The following ZNF423 variants were observed in gnomAD, a reference collection of about 807,000 sequenced individuals.
ZNF423 encodes zinc finger protein 423, also known as Ebf-associated zinc finger protein.
In ZNF423, 12 loss-of-function variants were observed where a neutral mutation model predicts 95.8. The observed-to-expected ratio is 0.13, with a 90% confidence interval of 0.08 to 0.20. ZNF423 has a LOEUF of 0.20. ZNF423 is among the 10% of genes least tolerant of loss of function. The pLI, the probability that ZNF423 is intolerant of heterozygous loss-of-function variation, is 1.00. For missense variants in ZNF423, 1,316 were observed against 1,737.1 expected, an observed-to-expected ratio of 0.76 and a Z score of 4.31; for synonymous variants, 749 against 711.9, an observed-to-expected ratio of 1.05 and a Z score of -0.83.
At chr16:49,521,068 G>A (rs745756708) in intron 7 of ZNF423, among the ~76,000 whole-genome samples, 19 of 152,200 alleles carry the variant, frequency 1.2e-4, no homozygotes, top group Non-Finnish European at 2.1e-4. Flanking sequence ...CCCACAGCTC[G>A]AGATAGGTGG....
chr16:49,648,812 G>A (rs1263993393), intron 3 of ZNF423, among the ~76,000 whole-genome samples: 16 of 152,146 alleles, frequency 1.1e-4, no homozygotes, highest in Admixed American at 1.0e-3. Flanking sequence ...AGGCTCTTTG[G>A]TGAGATTAAG....
intron 2 of ZNF423, among the ~76,000 whole-genome samples, chr16:49,733,387 T>A (rs2033214760): frequency 6.6e-6 from 1 of 152,216 alleles, no homozygotes; most frequent in Non-Finnish European, 1.5e-5. Flanking sequence ...TTTTGCCGTA[T>A]TTACTTGGCA....
At chr16:49,570,678 GC>G (rs1970327558) in intron 5 of ZNF423, among the ~76,000 whole-genome samples, 1 of 152,198 alleles carries the variant, frequency 6.6e-6, no homozygotes, top group African/African-American at 2.4e-5. Flanking sequence ...TGGCAACTTG[GC>G]CCTCTTTGGG....
At chr16:49,844,255 C>T (rs894960849) in intron 1 of ZNF423, among the ~76,000 whole-genome samples, 3 of 152,108 alleles carry the variant, frequency 2.0e-5, no homozygotes, top group African/African-American at 7.2e-5. Flanking sequence ...GTACTCCAGC[C>T]TGGGTAGCAG....
chr16:49,563,439 T>C (rs1970080835), intron 5 of ZNF423, among the ~76,000 whole-genome samples: 1 of 152,114 alleles, frequency 6.6e-6, no homozygotes, highest in African/African-American at 2.4e-5. Flanking sequence ...CAAATAAACC[T>C]CTTTATAAAT....
At chr16:49,666,316 C>T (rs997981285) in intron 3 of ZNF423, among the ~76,000 whole-genome samples, 4 of 152,210 alleles carry the variant, frequency 2.6e-5, no homozygotes, top group African/African-American at 9.6e-5. Flanking sequence ...GCCTTTAATA[C>T]TTCTCCATTC....
At position 49,511,661 on chromosome 16, in the gene ZNF423, T is replaced by C. The variant is rs1967902150; in HGVS notation, c.3849+11963A>G. ...CTAAGGACAAGGAGTGTTGTCAGTG[T>C]CCACCCCAGACTTCTCCCAAGGCAG... On this transcript the variant is annotated intron_variant, in intron 7 of 7. Coordinates refer to ENST00000563137, the MANE Select transcript of ZNF423 (RefSeq NM_001379286.1). 2.6e-5 allele frequency among the ~76,000 whole-genome samples: 4 copies of C among 152,150 alleles called. No homozygotes were observed. In the South Asian group the frequency reaches 8.3e-4, roughly 32 times the overall value.
intron 2 of ZNF423, among the ~76,000 whole-genome samples, chr16:49,779,815 G>A (rs2034179705): frequency 6.6e-6 from 1 of 152,200 alleles, no homozygotes; most frequent in Non-Finnish European, 1.5e-5. Context: ...CCCAGCTTTG[G>A]AGAAAGTAGG....
intron 3 of ZNF423, among the ~76,000 whole-genome samples, chr16:49,713,565 T>A (rs2032610897): frequency 6.6e-6 from 1 of 152,120 alleles, no homozygotes; most frequent in Admixed American, 6.5e-5. Flanking sequence ...CCTGGCAGGT[T>A]CTCAGGATGA....
chr16:49,669,137 C>T (rs985852783), intron 3 of ZNF423, among the ~76,000 whole-genome samples: 2 of 152,026 alleles, frequency 1.3e-5, no homozygotes, highest in Non-Finnish European at 2.9e-5. Context: ...CGAGACCAGC[C>T]TGACCAACAT....
intron 3 of ZNF423, among the ~76,000 whole-genome samples, chr16:49,727,889 AG>A (rs2033067076): frequency 6.6e-6 from 1 of 152,212 alleles, no homozygotes; most frequent in Admixed American, 6.5e-5. Context: ...CAGTGGTGAG[AG>A]TCCAGCAGAC....
At chr16:49,610,066 ATC>A (rs1971673209) in intron 5 of ZNF423, among the ~76,000 whole-genome samples, 3 of 152,234 alleles carry the variant, frequency 2.0e-5, no homozygotes, top group Non-Finnish European at 4.4e-5. Context: ...AGAACTGTCA[ATC>A]CAGAGTTCTT....
At chr16:49,812,390 C>T (rs2034767238) in intron 1 of ZNF423, among the ~76,000 whole-genome samples, 1 of 152,178 alleles carries the variant, frequency 6.6e-6, no homozygotes. Context: ...GTCAACGCTA[C>T]TGATAAAGGC....
chr16:49,664,114 T>C, intron 3 of ZNF423: 1 of 985,476 alleles, frequency 1.0e-6, no homozygotes, highest in Non-Finnish European at 1.2e-6. Flanking sequence ...CACCAGGGCG[T>C]CCCAGGGCAA....
chr16:49,853,800 C>T, intron 1 of ZNF423: 1 of 985,292 alleles, frequency 1.0e-6, no homozygotes, highest in Non-Finnish European at 1.2e-6. Context: ...CCCATCTGTT[C>T]ACTGCAAACT....
In ZNF423 at chr16:49,636,299, C is replaced by G. The variant is rs201950383; in HGVS notation, c.2877G>C (p.Thr959=). ...TGTAGTGCTTGGCAGGGCCCCGGTG[C>G]GTCTGCAGGTGCTCCCGTAGCCCGT... ...SENGLREHLQ[T]HRGPAKHYMC... is the part of the protein sequence containing the mutation. The change falls in exon 4 of 8, where the codon ACG becomes ACC. Residue 959 remains threonine, a synonymous_variant. Coordinates refer to ENST00000563137, the MANE Select transcript of ZNF423 (RefSeq NM_001379286.1). The surrounding 1 kb of genome is among the most constrained non-coding windows in gnomAD (Gnocchi z 8.6). The G allele has an allele frequency of 6.2e-7, 1 of 1,612,526 alleles. No individual in the cohort carries two copies. The highest frequency in any genetic ancestry group is 1.3e-5 in the African/African-American group (1 of 74,914).
chr16:49,554,494 G>A (rs990716303), intron 5 of ZNF423, among the ~76,000 whole-genome samples: 1 of 152,040 alleles, frequency 6.6e-6, no homozygotes, highest in African/African-American at 2.4e-5. Flanking sequence ...TGCTCTAAAT[G>A]CCAAGAATCG....
At chr16:49,628,921 T>C (rs748543454) in intron 4 of ZNF423, among the ~76,000 whole-genome samples, 1 of 152,226 alleles carries the variant, frequency 6.6e-6, no homozygotes, top group Non-Finnish European at 1.5e-5. Flanking sequence ...GGAAGGACTG[T>C]GGCTGTGGGG....
chr16:49,649,325 G>C (rs1973299901), intron 3 of ZNF423, among the ~76,000 whole-genome samples: 1 of 152,090 alleles, frequency 6.6e-6, no homozygotes, highest in Non-Finnish European at 1.5e-5. Flanking sequence ...TCTTGATAGA[G>C]AGAATCCGAC....
Sources: allele counts gnomAD v4.1 joint callset (sites outside exome capture counted in the v4.1 genomes callset), GRCh38; gene constraint gnomAD v4.1.1; non-coding constraint Gnocchi (gnomAD v3.1); transcripts MANE v1.5; gene names NCBI Gene and HGNC (gene_info 2026-07-23, HGNC 2026-07-21).